PPTC7: variants seen among roughly 807,000 people sequenced by gnomAD.
PPTC7 encodes protein phosphatase PTC7 homolog.
In PPTC7, 6 loss-of-function variants were observed where a neutral mutation model predicts 30.8. The observed-to-expected ratio is 0.19, with a 90% CI of 0.11 to 0.38. The LOEUF (loss-of-function observed/expected upper bound fraction) is 0.38, where lower values mean the gene tolerates loss of function less well. Among genes scored for constraint, PPTC7 ranks in the 10% least tolerant of loss-of-function variants. PPTC7 has a pLI of 1.00. For synonymous variants in PPTC7, 163 were observed against 168.1 expected (o/e 0.97, Z 0.23); for missense variants, 218 against 404.8 (o/e 0.54, Z 3.96).
intron 1 of PPTC7, 108 bp downstream of exon 1, chr12:110,582,701 A>C: frequency 2.1e-6 from 2 of 961,250 alleles, no homozygotes; most frequent in South Asian, 1.6e-5. Flanking sequence ...CCTCCATGTG[A>C]GCGCTCTGGC....
intron 1 of PPTC7, among the ~76,000 whole-genome samples, chr12:110,574,921 G>A (rs1436093935): frequency 6.6e-6 from 1 of 150,754 alleles, no homozygotes; most frequent in Non-Finnish European, 1.5e-5. Context: ...TAGGATTACA[G>A]GCACTCGCCA....
chr12:110,540,770 C>A (rs1333630401), intron 3 of PPTC7, among the ~76,000 whole-genome samples: 1 of 150,652 alleles, frequency 6.6e-6, no homozygotes, highest in Non-Finnish European at 1.5e-5. Flanking sequence ...TGGAGAACAA[C>A]ATGCCAATCT....
chr12:110,541,945 A>G (rs566722108), intron 3 of PPTC7, among the ~76,000 whole-genome samples: 1 of 152,074 alleles, frequency 6.6e-6, no homozygotes, highest in East Asian at 1.9e-4. Flanking sequence ...CAGGAGTTCA[A>G]GACCAGCCTG....
intron 3 of PPTC7, among the ~76,000 whole-genome samples, chr12:110,541,939 A>C (rs903216663): frequency 5.9e-5 from 9 of 151,902 alleles, no homozygotes; most frequent in African/African-American, 1.9e-4. Context: ...TGAGGTCAGG[A>C]GTTCAAGACC....
chr12:110,566,165 G>GA (rs397814213), intron 1 of PPTC7, among the ~76,000 whole-genome samples: 1 of 126 alleles, frequency 7.9e-3, no homozygotes, highest in Non-Finnish European at 0.013. Flanking sequence ...GCATTTAGGA[G>GA]TCCCTGGAAG....
At chr12:110,541,136 C>A (rs540249953) in intron 3 of PPTC7, among the ~76,000 whole-genome samples, 22 of 149,852 alleles carry the variant, frequency 1.5e-4, no homozygotes, top group African/African-American at 4.6e-4. Flanking sequence ...AATCCCAGCA[C>A]TTTGGGAGGC....
intron 1 of PPTC7, among the ~76,000 whole-genome samples, chr12:110,553,306 C>T (rs1593152071): frequency 6.6e-6 from 1 of 151,668 alleles, no homozygotes; most frequent in Non-Finnish European, 1.5e-5. Context: ...CGTGCCATCA[C>T]GCCTGGCTTT....
chr12:110,554,489 T>C (rs1047477441), intron 1 of PPTC7, among the ~76,000 whole-genome samples: 6 of 152,168 alleles, frequency 3.9e-5, no homozygotes, highest in African/African-American at 1.4e-4. Flanking sequence ...TCTTTTTATT[T>C]TTAGTTAATA....
In PPTC7 at chr12:110,551,952, T is replaced by A; in HGVS notation, c.240A>T (p.Val80=). 9 of 1,608,164 alleles carry A rather than the reference T, an allele frequency of 5.6e-6. No individual in the cohort carries two copies. Among genetic ancestry groups the A allele is most frequent in the Non-Finnish European group, 7.7e-6 (9 of 1,176,448 alleles). Residue 80 remains valine (V), a synonymous_variant, in exon 2 of 6, where the codon GTA becomes GTT. Coordinates refer to ENST00000354300, the MANE Select transcript of PPTC7 (RefSeq NM_139283.2). ...CAACTCCATAGTCTCTCCAGCCTCC[T>A]ACACCATCTGCAACCCCTGAAGAAA... The part of the protein sequence containing the change: ...SADVLGVADG[V]GGWRDYGVDP...
In PPTC7 at chr12:110,536,936, T is replaced by G; in HGVS notation, c.*101A>C. ...GCAAAAGACTTACATCACTGGCCAT[T>G]GAGATCAGTGGCAAAGAAATGTGGT... On this transcript the variant is annotated 3_prime_UTR_variant, in exon 6 of 6. Transcript: ENST00000354300. The G allele has an allele frequency of 1.3e-5, 11 of 847,014 alleles. No homozygotes were observed. Among genetic ancestry groups the G allele is most frequent in the East Asian group, 2.5e-5 (1 of 40,116 alleles). 52.5% of individuals were successfully genotyped at this position (847,014 alleles called of 1,614,324 possible).
At chr12:110,537,227 G>A in intron 5 of PPTC7, 132 bp from the exon 6 acceptor site, 38 of 501,944 alleles carry the variant, frequency 7.6e-5, no homozygotes, top group South Asian at 1.1e-4. Flanking sequence ...TACCCTAGTA[G>A]AATAAAGAAA....
In PPTC7 at chr12:110,572,446, C is replaced by A. The variant is rs528613386; in HGVS notation, c.223+10363G>T. Among the ~76,000 whole-genome samples the A allele has an allele frequency of 1.3e-4, 19 of 151,626 alleles. No individual in the cohort carries two copies. The Middle Eastern group carries it at 0.017, about 136-fold the overall frequency. On this transcript the variant is annotated intron_variant, in intron 1 of 5. Coordinates refer to ENST00000354300, the MANE Select transcript of PPTC7 (RefSeq NM_139283.2). ...ACAGAGTGAGACTCCGTCTTAAAAA[C>A]AAAAAACAAAAAACAAAAAAGATAA...
intron 1 of PPTC7, among the ~76,000 whole-genome samples, chr12:110,574,141 T>TAAAAAAAAAAAGAAA (rs2064565899): frequency 2.7e-5 from 1 of 37,442 alleles, no homozygotes; most frequent in Non-Finnish European, 4.7e-5. Flanking sequence ...CCACAATAAT[T>TAAAAAAAAAAAGAAA]AAAAAAAAAA....
chr12:110,548,097 ACT>A (rs919013564), intron 2 of PPTC7, among the ~76,000 whole-genome samples: 6 of 150,042 alleles, frequency 4.0e-5, no homozygotes, highest in Non-Finnish European at 5.9e-5. Flanking sequence ...ACAGTGCAAG[ACT>A]CTGTCTCAAA....
chr12:110,549,100 C>G (rs1202527338), intron 2 of PPTC7, among the ~76,000 whole-genome samples: 2 of 152,162 alleles, frequency 1.3e-5, no homozygotes, highest in Non-Finnish European at 2.9e-5. Context: ...TATCACCCAG[C>G]TCCTTATTTT....
At position 110,583,204 on chromosome 12, in the gene PPTC7, G is replaced by T; in HGVS notation, c.-173C>A. 4.3e-6 allele frequency: 1 copy of T among 233,004 alleles called. No homozygotes were observed. Among genetic ancestry groups the T allele is most frequent in the Non-Finnish European group, 7.7e-6 (1 of 130,440 alleles). 14.4% of individuals were successfully genotyped at this position (233,004 alleles called of 1,614,324 possible). A position where few individuals can be genotyped will look rare whatever the true frequency, so the allele number is the denominator to read the frequency against. On this transcript the variant is annotated 5_prime_UTR_variant, in exon 1 of 6. In the 5' UTR this introduces an upstream ATG that the reference lacks. Transcript: ENST00000354300. The stretch of plus-strand genomic sequence containing the variant: ...ACGCGCGGGGCCTCGCACGCGCTCA[G>T]CCGCGCGCACCGGAGCCAGAGCGAG...
chr12:110,550,158 G>A (rs991874957), intron 2 of PPTC7, among the ~76,000 whole-genome samples: 4 of 151,726 alleles, frequency 2.6e-5, no homozygotes, highest in African/African-American at 9.7e-5. Flanking sequence ...CCTTACAAAG[G>A]GCTTAAACTG....
At chr12:110,544,963 C>G (rs889360811) in intron 3 of PPTC7, among the ~76,000 whole-genome samples, 1 of 152,158 alleles carries the variant, frequency 6.6e-6, no homozygotes, top group African/African-American at 2.4e-5. Flanking sequence ...TCCAAGACCA[C>G]TTTTTTTAAA....
chr12:110,582,867 G>C lies in PPTC7; in HGVS notation c.165C>G (p.Gly55=), dbSNP rs991743814. The C allele has an allele frequency of 3.7e-5, 57 of 1,558,832 alleles. No homozygotes were observed. The highest frequency in any genetic ancestry group is 4.6e-5 in the Non-Finnish European group (53 of 1,151,490). Residue 55 remains glycine (G), a synonymous_variant, in exon 1 of 6, where the codon GGC becomes GGG. Transcript: ENST00000354300. ...AGCACGCGTCGTCCCCGTAGCACGCGCCCTTCTTGAGGAGGCCCTTACGGA... is the reference window on the plus strand; with the variant it reads ...AGCACGCGTCGTCCCCGTAGCACGCCCCCTTCTTGAGGAGGCCCTTACGGA... The part of the protein sequence containing the change: ...KDFRKGLLKK[G]ACYGDDACFV...
Sources: allele counts gnomAD v4.1 joint callset (sites outside exome capture counted in the v4.1 genomes callset), GRCh38; gene constraint gnomAD v4.1.1; transcripts MANE v1.5; gene names NCBI Gene and HGNC (gene_info 2026-07-23, HGNC 2026-07-21).